Variants in KAT6A observed in about 807,000 individuals in gnomAD.
KAT6A encodes the protein lysine acetyltransferase 6A.
In KAT6A, 9 loss-of-function variants were observed where a neutral mutation model predicts 198.4. The ratio of observed to expected loss-of-function variants is 0.05; its 90% CI spans 0.03 to 0.08. The LOEUF is 0.08. Among genes scored for constraint, KAT6A ranks in the 10% least tolerant of loss-of-function variants. The pLI is 1.00. For synonymous variants in KAT6A, 890 were observed against 883.0 expected, an observed-to-expected ratio of 1.01 and a Z score of -0.14; for missense variants, 2,077 against 2,509.9, an observed-to-expected ratio of 0.83 and a Z score of 3.69.
intron 2 of KAT6A, among the ~76,000 whole-genome samples, chr8:42,036,555 G>A (rs1197967914): frequency 6.6e-6 from 1 of 152,168 alleles, no homozygotes; most frequent in African/African-American, 2.4e-5. Context: ...GGAGGTTGCA[G>A]TGAGCAGAGA....
chr8:41,962,459 C>CAA (rs1823249348), intron 8 of KAT6A, among the ~76,000 whole-genome samples: 1 of 152,126 alleles, frequency 6.6e-6, no homozygotes, highest in South Asian at 2.1e-4. Flanking sequence ...CCTGCTTTCA[C>CAA]AATGCATCAA....
intron 8 of KAT6A, among the ~76,000 whole-genome samples, chr8:41,961,221 C>T (rs903357267): frequency 4.6e-5 from 7 of 152,248 alleles, no homozygotes; most frequent in African/African-American, 1.7e-4. Context: ...ATTTTTCCCA[C>T]CCACATCTGT....
chr8:42,038,407 A>G (rs1215527168), intron 2 of KAT6A, among the ~76,000 whole-genome samples: 1 of 152,226 alleles, frequency 6.6e-6, no homozygotes, highest in Non-Finnish European at 1.5e-5. Context: ...GCAGATTTAT[A>G]TATTTGTGGT....
chr8:41,987,518 T>C lies in KAT6A; in HGVS notation c.646A>G (p.Lys216Glu), dbSNP rs754231019. 6.2e-7 allele frequency: 1 copy of C among 1,613,846 alleles called. No individual in the cohort carries two copies. Among genetic ancestry groups the C allele is most frequent in the Non-Finnish European group, 8.5e-7 (1 of 1,179,750 alleles). The change falls in exon 3 of 17, where the codon AAA (lysine) becomes GAA (glutamate). Residue 216 changes from lysine to glutamate, a missense_variant. Lys to Glu is a moderately conservative substitution (Grantham distance 56). Transcript: ENST00000265713. ...IPICSFCLGT[K>E]EQNREKKPEE... ...GGCTTCTTTTCTCGGTTTTGTTCTT[T>C]TGTACCAAGACAGAAACTACAGATG...
intron 12 of KAT6A, among the ~76,000 whole-genome samples, chr8:41,945,672 G>A (rs1482162107): frequency 6.6e-6 from 1 of 151,974 alleles, no homozygotes; most frequent in East Asian, 1.9e-4. Flanking sequence ...TGAACAATAG[G>A]AAATTAAAGG....
intron 2 of KAT6A, among the ~76,000 whole-genome samples, chr8:42,016,418 A>T (rs1826274358): frequency 6.6e-6 from 1 of 152,212 alleles, no homozygotes; most frequent in African/African-American, 2.4e-5. Flanking sequence ...TTTGCACACA[A>T]TGTATATTCT....
chr8:42,005,796 A>ACT (rs3041258), intron 2 of KAT6A, among the ~76,000 whole-genome samples: 7,796 of 148,706 alleles, frequency 0.052, 271 homozygotes, highest in African/African-American at 0.11. Context: ...ACACACACAC[A>ACT]CACTCACTCT....
At position 42,019,899 on chromosome 8, in the gene KAT6A, C is replaced by CT. The variant is rs1295006217; in HGVS notation, c.600+28478dup. ...AAGTTCCAAGCAATAGACCTTAACC[C>CT]TTTTTTTTCCTCCAATGATATACAA... On this transcript the variant is annotated intron_variant, in intron 2 of 16. Transcript: ENST00000265713. Among the ~76,000 whole-genome samples the CT allele has an allele frequency of 4.0e-5, 6 of 151,870 alleles. No homozygotes were observed. The East Asian group carries it at 1.2e-3, about 29-fold the overall frequency.
At chr8:41,982,276 CAT>C (rs1028987910) in intron 3 of KAT6A, among the ~76,000 whole-genome samples, 5 of 151,856 alleles carry the variant, frequency 3.3e-5, no homozygotes, top group African/African-American at 1.2e-4. Context: ...TATATGAATA[CAT>C]ATATGTTCAT....
chr8:41,952,541 C>A (rs1822716212), intron 9 of KAT6A, among the ~76,000 whole-genome samples: 1 of 152,166 alleles, frequency 6.6e-6, no homozygotes. Context: ...ATAGGCAATG[C>A]ATACACAAAT....
intron 5 of KAT6A, 147 bp from the exon 6 acceptor site, chr8:41,978,924 A>G: frequency 1.5e-6 from 1 of 670,060 alleles, no homozygotes; most frequent in Non-Finnish European, 2.5e-6. Context: ...ATCCAAAATA[A>G]ACATTAAAAC....
intron 8 of KAT6A, among the ~76,000 whole-genome samples, chr8:41,961,268 C>T (rs540595664): frequency 5.3e-5 from 8 of 152,354 alleles, no homozygotes; most frequent in African/African-American, 1.7e-4. Flanking sequence ...CTGCCTTTCA[C>T]CAATACTATG....
chr8:41,954,501 TTAA>T (rs1822832888), intron 9 of KAT6A, among the ~76,000 whole-genome samples: 1 of 152,234 alleles, frequency 6.6e-6, no homozygotes, highest in Non-Finnish European at 1.5e-5. Flanking sequence ...TTAGAGAGCA[TTAA>T]TGTCACTACA....
chr8:41,938,025 G>A (rs1821935872), intron 15 of KAT6A, among the ~76,000 whole-genome samples: 1 of 152,202 alleles, frequency 6.6e-6, no homozygotes, highest in Non-Finnish European at 1.5e-5. Flanking sequence ...ATAAAAAGCT[G>A]TGGAATGTAG....
chr8:42,037,303 G>A (rs979247525), intron 2 of KAT6A, among the ~76,000 whole-genome samples: 1 of 152,086 alleles, frequency 6.6e-6, no homozygotes, highest in African/African-American at 2.4e-5. Context: ...GCAGGAAAAT[G>A]GTGAAAGAGG....
intron 2 of KAT6A, among the ~76,000 whole-genome samples, chr8:42,002,935 A>G (rs545041122): frequency 6.6e-6 from 1 of 152,286 alleles, no homozygotes; most frequent in South Asian, 2.1e-4. Context: ...CATACTGCCA[A>G]AGTGAATTTC....
intron 2 of KAT6A, among the ~76,000 whole-genome samples, chr8:42,035,541 G>A (rs566063941): frequency 1.3e-5 from 2 of 152,262 alleles, no homozygotes; most frequent in African/African-American, 4.8e-5. Context: ...CCAACATCTA[G>A]ATACAGGCAA....
At chr8:42,043,743 G>C (rs1350583594) in intron 2 of KAT6A, among the ~76,000 whole-genome samples, 1 of 152,184 alleles carries the variant, frequency 6.6e-6, no homozygotes. Flanking sequence ...CTGCTCCTAA[G>C]AGGTGGTCAG....
chr8:41,952,660 TAC>T (rs560488219), intron 9 of KAT6A, among the ~76,000 whole-genome samples: 265 of 152,342 alleles, frequency 1.7e-3, no homozygotes, highest in African/African-American at 5.9e-3. Context: ...TTTTGTACGT[TAC>T]AGTGTTTGAA....
Sources: allele counts gnomAD v4.1 joint callset (sites outside exome capture counted in the v4.1 genomes callset), GRCh38; gene constraint gnomAD v4.1.1; transcripts MANE v1.5; gene names NCBI Gene and HGNC (gene_info 2026-07-23, HGNC 2026-07-21).